Variants in COL21A1 observed in about 807,000 individuals in gnomAD.
The protein encoded by COL21A1 is collagen type XXI alpha 1 chain.
A neutral mutation model predicts 137.9 loss-of-function variants in COL21A1; 149 were observed. That is an observed-to-expected ratio of 1.08 (90% CI 0.95 to 1.24). The LOEUF is 1.24. COL21A1 is among the 50% of genes most tolerant of loss of function. COL21A1 has a pLI of 0.00. For synonymous variants in COL21A1, 456 were observed against 391.5 expected, an observed-to-expected ratio of 1.16 and a Z score of -1.95; for missense variants, 1,167 against 1,158.4, an observed-to-expected ratio of 1.01 and a Z score of -0.11.
At chr6:56,088,963 T>A (rs1768529189) in intron 17 of COL21A1, among the ~76,000 whole-genome samples, 1 of 152,042 alleles carries the variant, frequency 6.6e-6, no homozygotes, top group Admixed American at 6.6e-5. Context: ...TTTTTGTATG[T>A]TTTGTAGAGA....
intron 12 of COL21A1, among the ~76,000 whole-genome samples, chr6:56,135,700 A>C (rs921224550): frequency 9.2e-5 from 14 of 152,220 alleles, no homozygotes; most frequent in Admixed American, 3.9e-4. Context: ...ATAATAAATA[A>C]AGAACCAAGG....
At chr6:56,070,231 TTC>T (rs759266930) in intron 21 of COL21A1, among the ~76,000 whole-genome samples, 2 of 151,554 alleles carry the variant, frequency 1.3e-5, no homozygotes, top group Non-Finnish European at 3.0e-5. Flanking sequence ...GGAGGCTTTA[TTC>T]TCTTTGCTTA....
chr6:56,330,494 G>A (rs1365023020), intron 1 of COL21A1, among the ~76,000 whole-genome samples: 1 of 152,014 alleles, frequency 6.6e-6, no homozygotes, highest in Non-Finnish European at 1.5e-5. Flanking sequence ...CTGATATAAA[G>A]CCAAATACAA....
At chr6:56,219,591 T>G (rs1418997893) in intron 1 of COL21A1, among the ~76,000 whole-genome samples, 1 of 152,102 alleles carries the variant, frequency 6.6e-6, no homozygotes, top group Non-Finnish European at 1.5e-5. Flanking sequence ...ATAAACATGA[T>G]CTGGTTTACA....
chr6:56,068,900 A>G, intron 22 of COL21A1, 146 bp downstream of exon 22: 2 of 615,890 alleles, frequency 3.2e-6, no homozygotes, highest in Non-Finnish European at 5.7e-6. Flanking sequence ...ATGGGGCTGA[A>G]CATATTATAC....
At chr6:56,381,175 C>G (rs1166971300) in intron 1 of COL21A1, among the ~76,000 whole-genome samples, 1 of 151,996 alleles carries the variant, frequency 6.6e-6, no homozygotes, top group East Asian at 1.9e-4. Context: ...ATTATCTTGT[C>G]CAGTTTGTCA....
intron 12 of COL21A1, among the ~76,000 whole-genome samples, chr6:56,133,705 G>C (rs982470305): frequency 6.6e-6 from 1 of 152,284 alleles, no homozygotes; most frequent in South Asian, 2.1e-4. Context: ...GGGCCCCCTT[G>C]CTCTGTGCAG....
intron 1 of COL21A1, among the ~76,000 whole-genome samples, chr6:56,268,802 T>C (rs1582745131): frequency 6.6e-6 from 1 of 152,162 alleles, no homozygotes; most frequent in Admixed American, 6.5e-5. Flanking sequence ...ATGATAGACA[T>C]AGAATTCAGA....
intron 16 of COL21A1, among the ~76,000 whole-genome samples, chr6:56,109,397 T>C (rs1485843720): frequency 6.6e-6 from 1 of 151,756 alleles, no homozygotes; most frequent in Non-Finnish European, 1.5e-5. Flanking sequence ...GAAAACTTTT[T>C]AAAAATCATG....
At chr6:56,220,585 C>T (rs557215690) in intron 1 of COL21A1, among the ~76,000 whole-genome samples, 27 of 152,264 alleles carry the variant, frequency 1.8e-4, no homozygotes, top group African/African-American at 6.5e-4. Context: ...ATGCCATTCA[C>T]TCATAACAGA....
chr6:56,302,143 G>C (rs9370514), intron 1 of COL21A1, among the ~76,000 whole-genome samples: 126,554 of 150,214 alleles, frequency 0.84, 55,274 homozygotes, highest in South Asian at 0.97. Flanking sequence ...GGACATTTGG[G>C]TTGGTTCCAA....
intron 1 of COL21A1, among the ~76,000 whole-genome samples, chr6:56,261,380 T>C (rs1763270080): frequency 1.3e-5 from 2 of 152,192 alleles, no homozygotes; most frequent in African/African-American, 4.8e-5. Flanking sequence ...CAAATTCACA[T>C]GTTGAAATCT....
chr6:56,347,923 A>T (rs1765630760), intron 1 of COL21A1, among the ~76,000 whole-genome samples: 1 of 152,214 alleles, frequency 6.6e-6, no homozygotes, highest in South Asian at 2.1e-4. Flanking sequence ...AAAGAAATTT[A>T]AAAACATATC....
chr6:56,368,455 G>A (rs1766150369), intron 1 of COL21A1, among the ~76,000 whole-genome samples: 2 of 151,472 alleles, frequency 1.3e-5, no homozygotes, highest in South Asian at 4.1e-4. Flanking sequence ...GCATTGCAGA[G>A]GAAAAAATTC....
intron 1 of COL21A1, among the ~76,000 whole-genome samples, chr6:56,292,413 G>T (rs557264410): frequency 9.4e-6 from 1 of 106,582 alleles, no homozygotes; most frequent in Non-Finnish European, 1.9e-5. Context: ...CCCCGCCAAA[G>T]AGAGTCTGGG....
In COL21A1 at chr6:56,125,548, T is replaced by C. The variant is rs1485103532; in HGVS notation, c.1650+19A>G. 1.9e-6 allele frequency: 3 copies of C among 1,567,242 alleles called. No individual in the cohort carries two copies. The highest frequency in any genetic ancestry group is 2.6e-6 in the Non-Finnish European group (3 of 1,145,486). ...TTAAAAGTTCAATATGAATACTTTG[T>C]TGTGTGATCTATACTTCCCTTTTTG... On this transcript the variant is annotated intron_variant, in intron 14 of 29. Coordinates refer to ENST00000244728, the MANE Select transcript of COL21A1 (RefSeq NM_030820.4).
intron 16 of COL21A1, among the ~76,000 whole-genome samples, chr6:56,116,289 A>G (rs1198690132): frequency 2.0e-5 from 3 of 151,796 alleles, no homozygotes. Flanking sequence ...AAATAAATAA[A>G]TAACATACAA....
chr6:56,120,071 T>G (rs1772330132), intron 16 of COL21A1, among the ~76,000 whole-genome samples: 2 of 152,160 alleles, frequency 1.3e-5, no homozygotes, highest in Non-Finnish European at 2.9e-5. Context: ...GTTGAAAAGC[T>G]TCTGCACAGA....
At chr6:56,167,104 A>G in intron 6 of COL21A1, 121 bp from the exon 7 acceptor site, 1 of 695,870 alleles carries the variant, frequency 1.4e-6, no homozygotes, top group Non-Finnish European at 2.5e-6. Flanking sequence ...ACATCACAGC[A>G]TTTAGCTAAA....
Sources: allele counts gnomAD v4.1 joint callset (sites outside exome capture counted in the v4.1 genomes callset), GRCh38; gene constraint gnomAD v4.1.1; transcripts MANE v1.5; gene names NCBI Gene and HGNC (gene_info 2026-07-23, HGNC 2026-07-21).